MEF2A: variants seen among roughly 807,000 people sequenced by gnomAD.
MEF2A encodes myocyte-specific enhancer factor 2A.
A neutral mutation model predicts 55.8 loss-of-function variants in MEF2A; 28 were observed. The observed-to-expected ratio is 0.50, with a 90% CI of 0.37 to 0.69. The LOEUF (loss-of-function observed/expected upper bound fraction) is 0.69, where lower values mean the gene tolerates loss of function less well. MEF2A is among the 30% of genes least tolerant of loss of function. The pLI is 0.00. For missense variants in MEF2A, 528 were observed against 626.2 expected (o/e 0.84, Z 1.67); for synonymous variants, 239 against 227.1 (o/e 1.05, Z -0.47).
At chr15:99,705,126 C>T (rs1001378631) in intron 9 of MEF2A, among the ~76,000 whole-genome samples, 6 of 152,196 alleles carry the variant, frequency 3.9e-5, no homozygotes, top group Admixed American at 2.6e-4. Flanking sequence ...TTGTGGATGA[C>T]TCTGATCCGA....
chr15:99,598,212 C>G (rs924512092), intron 1 of MEF2A, among the ~76,000 whole-genome samples: 2 of 152,090 alleles, frequency 1.3e-5, no homozygotes, highest in African/African-American at 4.8e-5. Flanking sequence ...GTAATACTTC[C>G]TGAAGAAAAA....
intron 2 of MEF2A, among the ~76,000 whole-genome samples, chr15:99,614,506 G>C (rs1342338080): frequency 1.3e-5 from 2 of 152,210 alleles, no homozygotes; most frequent in Non-Finnish European, 2.9e-5. Context: ...GGTAGCAGCT[G>C]AGGTTATAGG....
intron 2 of MEF2A, among the ~76,000 whole-genome samples, chr15:99,602,987 CG>C (rs1973845998): frequency 6.6e-6 from 1 of 151,990 alleles, no homozygotes; most frequent in Admixed American, 6.6e-5. Context: ...TTTATTGGCA[CG>C]AAGTTGTATT....
chr15:99,691,486 TCAGGA>T (rs769876991), intron 8 of MEF2A, among the ~76,000 whole-genome samples: 29 of 152,134 alleles, frequency 1.9e-4, no homozygotes, highest in Non-Finnish European at 3.4e-4. Flanking sequence ...TCACCTGAGG[TCAGGA>T]GTTCAAGACC....
intron 2 of MEF2A, among the ~76,000 whole-genome samples, chr15:99,630,746 T>G (rs1447129998): frequency 6.6e-6 from 1 of 152,246 alleles, no homozygotes; most frequent in Admixed American, 6.5e-5. Flanking sequence ...TGAGATGATT[T>G]AAAGCTGTGC....
intron 6 of MEF2A, 122 bp downstream of exon 6, chr15:99,674,734 A>G (rs978670678): frequency 2.5e-6 from 2 of 803,128 alleles, no homozygotes; most frequent in East Asian, 2.5e-5. Context: ...AATCACTGAT[A>G]CATAATTGGC....
chr15:99,658,162 AAC>A lies in MEF2A; in HGVS notation c.258+12400_258+12401del, dbSNP rs748608366. ...CATTGTTATTATATGTAGATTATAG[AAC>A]AGTTTCACTTTCTATGTTTTAAGAA... is the stretch of plus-strand genomic sequence containing the variant. On this transcript the variant is annotated intron_variant, in intron 4 of 11. Coordinates refer to ENST00000557942, the MANE Select transcript of MEF2A (RefSeq NM_001319206.4). Among the ~76,000 whole-genome samples the A allele has an allele frequency of 2.2e-4, 34 of 152,294 alleles. No homozygotes were observed. In the East Asian group the frequency reaches 4.4e-3, roughly 20 times the overall value.
At chr15:99,603,405 C>T (rs1240781878) in intron 2 of MEF2A, among the ~76,000 whole-genome samples, 1 of 149,646 alleles carries the variant, frequency 6.7e-6, no homozygotes, top group Non-Finnish European at 1.5e-5. Context: ...GACAGTCTCA[C>T]TCTGTTACCA....
intron 4 of MEF2A, among the ~76,000 whole-genome samples, chr15:99,659,948 G>A (rs1204038212): frequency 6.6e-6 from 1 of 152,148 alleles, no homozygotes; most frequent in Non-Finnish European, 1.5e-5. Flanking sequence ...AAGTCCAGAT[G>A]GCTGCATAAG....
intron 2 of MEF2A, among the ~76,000 whole-genome samples, chr15:99,618,905 TA>T: frequency 6.6e-6 from 1 of 152,224 alleles, no homozygotes; most frequent in Non-Finnish European, 1.5e-5. Flanking sequence ...GTATACTTGC[TA>T]AAGACAAGCT....
At chr15:99,698,518 C>T (rs528345940) in intron 8 of MEF2A, among the ~76,000 whole-genome samples, 17 of 152,178 alleles carry the variant, frequency 1.1e-4, no homozygotes, top group Admixed American at 3.3e-4. Flanking sequence ...AACGGCTGGG[C>T]GCGGTGGCTC....
At chr15:99,620,220 G>A (rs904375527) in intron 2 of MEF2A, among the ~76,000 whole-genome samples, 7 of 152,134 alleles carry the variant, frequency 4.6e-5, no homozygotes, top group African/African-American at 1.4e-4. Context: ...TGGTTCAGGG[G>A]TATGTGTGTA....
At chr15:99,616,277 A>G (rs970560705) in intron 2 of MEF2A, among the ~76,000 whole-genome samples, 6 of 152,224 alleles carry the variant, frequency 3.9e-5, no homozygotes, top group African/African-American at 1.4e-4. Flanking sequence ...ATGTGTATCC[A>G]TTTTATAATA....
At chr15:99,689,454 GAGATGCCCTCTT>G (rs372443925) in intron 7 of MEF2A, among the ~76,000 whole-genome samples, 5 of 152,246 alleles carry the variant, frequency 3.3e-5, no homozygotes, top group African/African-American at 1.2e-4. Context: ...TCCCCAGTAT[GAGATGCCCTCTT>G]AGAAATGTGG....
At chr15:99,688,428 C>A (rs866775075) in intron 7 of MEF2A, among the ~76,000 whole-genome samples, 29 of 152,284 alleles carry the variant, frequency 1.9e-4, no homozygotes, top group South Asian at 1.7e-3. Context: ...TCAGCTTTTT[C>A]CTCATTCTGG....
chr15:99,673,112 T>C (rs550490005), intron 5 of MEF2A, among the ~76,000 whole-genome samples: 2 of 152,344 alleles, frequency 1.3e-5, no homozygotes, highest in South Asian at 2.1e-4. Context: ...ATTGTATGCC[T>C]GCATTTCCAC....
intron 1 of MEF2A, among the ~76,000 whole-genome samples, chr15:99,593,564 G>T (rs1970097045): frequency 6.6e-6 from 1 of 152,176 alleles, no homozygotes; most frequent in African/African-American, 2.4e-5. Flanking sequence ...TTGATTACAA[G>T]TGAAATTCAT....
At chr15:99,610,123 C>T (rs1179804536) in intron 2 of MEF2A, among the ~76,000 whole-genome samples, 2 of 151,772 alleles carry the variant, frequency 1.3e-5, no homozygotes, top group African/African-American at 2.4e-5. Flanking sequence ...AATCAAGAAT[C>T]GTATAGAGCA....
chr15:99,581,053 A>T (rs145617419), intron 1 of MEF2A, among the ~76,000 whole-genome samples: 20 of 152,090 alleles, frequency 1.3e-4, no homozygotes, highest in African/African-American at 4.8e-4. Flanking sequence ...GATTTAACAT[A>T]AAGTTGGAAT....
Sources: gnomAD v4.1 joint callset for allele counts (sites outside exome capture counted in the v4.1 genomes callset) on GRCh38, gnomAD v4.1.1 for gene constraint, MANE v1.5 for transcripts, NCBI Gene and HGNC (gene_info 2026-07-23, HGNC 2026-07-21) for gene names.